The following ARHGAP15 variants were observed in gnomAD, a reference collection of about 807,000 sequenced individuals.
The protein encoded by ARHGAP15 is Rho GTPase activating protein 15, also known as rho GTPase-activating protein 15.
ARHGAP15 carries 51 observed loss-of-function variants against 63.7 expected under a neutral mutation model. That is an observed-to-expected ratio of 0.80 (90% CI 0.64 to 1.01). The LOEUF is 1.01. ARHGAP15 is among the 50% of genes least tolerant of loss of function. ARHGAP15 has a pLI of 0.00. For synonymous variants in ARHGAP15, 191 were observed against 193.8 expected, an observed-to-expected ratio of 0.99 and a Z score of 0.12; for missense variants, 560 against 564.6, an observed-to-expected ratio of 0.99 and a Z score of 0.08.
intron 5 of ARHGAP15, among the ~76,000 whole-genome samples, chr2:143,241,602 A>T (rs1220179081): frequency 6.6e-6 from 1 of 152,202 alleles, no homozygotes; most frequent in East Asian, 1.9e-4. Flanking sequence ...AATTGGCCAC[A>T]TTCTGATGCA....
At chr2:143,207,345 C>T (rs190787662) in intron 3 of ARHGAP15, among the ~76,000 whole-genome samples, 219 of 152,138 alleles carry the variant, frequency 1.4e-3, no homozygotes, top group African/African-American at 5.0e-3. Context: ...AAAGTAACAT[C>T]GAGAAGTCCT....
intron 6 of ARHGAP15, among the ~76,000 whole-genome samples, chr2:143,387,643 A>G (rs1687344132): frequency 1.3e-5 from 2 of 152,106 alleles, no homozygotes; most frequent in South Asian, 4.1e-4. Context: ...GTTAATTACC[A>G]GGTATGAACC....
intron 6 of ARHGAP15, among the ~76,000 whole-genome samples, chr2:143,309,255 A>G (rs1234161453): frequency 6.6e-6 from 1 of 152,130 alleles, no homozygotes; most frequent in Admixed American, 6.6e-5. Flanking sequence ...TTTGGCCAAT[A>G]CATCAGAAAA....
At chr2:143,726,812 A>G (rs1373784366) in intron 13 of ARHGAP15, among the ~76,000 whole-genome samples, 1 of 152,224 alleles carries the variant, frequency 6.6e-6, no homozygotes, top group Non-Finnish European at 1.5e-5. Flanking sequence ...CAGGCTGTGA[A>G]AAATTATGTC....
At chr2:143,236,038 T>C in intron 5 of ARHGAP15, 1 of 1,521,148 alleles carries the variant, frequency 6.6e-7, no homozygotes, top group African/African-American at 1.4e-5. Flanking sequence ...ATTTGATGGA[T>C]TGCATCATAG....
chr2:143,325,373 T>C (rs1366144984), intron 6 of ARHGAP15, among the ~76,000 whole-genome samples: 1 of 152,130 alleles, frequency 6.6e-6, no homozygotes, highest in Non-Finnish European at 1.5e-5. Context: ...CTCTAGAGCC[T>C]CCTCCTCAAC....
intron 6 of ARHGAP15, among the ~76,000 whole-genome samples, chr2:143,314,246 C>G (rs753965686): frequency 6.6e-6 from 1 of 152,130 alleles, no homozygotes. Flanking sequence ...CTTCAACATA[C>G]GTGAATTTTA....
At chr2:143,736,202 A>T (rs1161387370) in intron 13 of ARHGAP15, among the ~76,000 whole-genome samples, 1 of 152,204 alleles carries the variant, frequency 6.6e-6, no homozygotes, top group Non-Finnish European at 1.5e-5. Context: ...GTTCGAGACC[A>T]GCCTGACCAA....
At chr2:143,761,151 T>TC (rs918926898) in intron 13 of ARHGAP15, among the ~76,000 whole-genome samples, 12 of 151,940 alleles carry the variant, frequency 7.9e-5, no homozygotes, top group African/African-American at 2.7e-4. Context: ...TTAGCATAGA[T>TC]CCCCCCCGAA....
chr2:143,587,008 C>A (rs1269790463), intron 11 of ARHGAP15, among the ~76,000 whole-genome samples: 4 of 152,056 alleles, frequency 2.6e-5, no homozygotes, highest in Non-Finnish European at 5.9e-5. Flanking sequence ...CTCCTTCATG[C>A]AACTTCCTCT....
intron 11 of ARHGAP15, among the ~76,000 whole-genome samples, chr2:143,618,506 T>A (rs1022493559): frequency 2.0e-5 from 3 of 152,230 alleles, no homozygotes; most frequent in African/African-American, 7.2e-5. Context: ...AGATCAGGGC[T>A]ATTCTTTCTG....
At chr2:143,248,346 A>G (rs182302168) in intron 5 of ARHGAP15, among the ~76,000 whole-genome samples, 3 of 152,334 alleles carry the variant, frequency 2.0e-5, no homozygotes, top group Non-Finnish European at 4.4e-5. Context: ...ATCACGTTTA[A>G]CAGAGAAGGA....
chr2:143,431,418 T>A (rs1689383981), intron 6 of ARHGAP15, among the ~76,000 whole-genome samples: 1 of 152,104 alleles, frequency 6.6e-6, no homozygotes, highest in Non-Finnish European at 1.5e-5. Context: ...ATTTGGAGAA[T>A]GTTTATTATG....
intron 6 of ARHGAP15, among the ~76,000 whole-genome samples, chr2:143,361,728 C>A (rs1000535373): frequency 2.2e-4 from 34 of 152,070 alleles, no homozygotes; most frequent in Non-Finnish European, 4.0e-4. Context: ...AGGTTCTCAT[C>A]ATCTATTAAT....
chr2:143,643,447 A>T (rs1003296794), intron 12 of ARHGAP15, among the ~76,000 whole-genome samples: 2 of 141,574 alleles, frequency 1.4e-5, no homozygotes, highest in African/African-American at 5.1e-5. Context: ...ACCAAAAAAA[A>T]GTTATAGAGT....
rs12467787 is a variant in ARHGAP15 at position 143,609,004 on chromosome 2, G to A, written c.1004-15129G>A. ...TGTGGGCTGCCTTGCAAGTTTTCATGTATTTCTGGATCTAAAAGGAAGTGT... is the reference window on the plus strand; with the variant it reads ...TGTGGGCTGCCTTGCAAGTTTTCATATATTTCTGGATCTAAAAGGAAGTGT... On this transcript the variant is annotated intron_variant, in intron 11 of 13. Coordinates refer to ENST00000295095, the MANE Select transcript of ARHGAP15 (RefSeq NM_018460.4). 3.5e-3 allele frequency among the ~76,000 whole-genome samples: 529 copies of A among 152,252 alleles called. 4 individuals are homozygous for A. The highest frequency in any genetic ancestry group is 0.017 in the Middle Eastern group (5 of 294).
At chr2:143,604,353 G>A (rs527271872) in intron 11 of ARHGAP15, among the ~76,000 whole-genome samples, 3 of 152,302 alleles carry the variant, frequency 2.0e-5, no homozygotes, top group Admixed American at 6.5e-5. Context: ...GACTGTGTTT[G>A]TGTGTGTGCA....
At chr2:143,550,497 G>C (rs564141300) in intron 10 of ARHGAP15, among the ~76,000 whole-genome samples, 1 of 152,218 alleles carries the variant, frequency 6.6e-6, no homozygotes, top group Admixed American at 6.5e-5. Flanking sequence ...CCAGCCACGT[G>C]TGGTTAAGCT....
At chr2:143,658,487 G>GTGTCAGTT in intron 12 of ARHGAP15, among the ~76,000 whole-genome samples, 1 of 152,164 alleles carries the variant, frequency 6.6e-6, no homozygotes, top group Non-Finnish European at 1.5e-5. Context: ...CAGTTGGATA[G>GTGTCAGTT]GGTTTAGCTG....
Sources: gnomAD v4.1 joint callset for allele counts (sites outside exome capture counted in the v4.1 genomes callset) on GRCh38, gnomAD v4.1.1 for gene constraint, MANE v1.5 for transcripts, NCBI Gene and HGNC (gene_info 2026-07-23, HGNC 2026-07-21) for gene names.